The following RNF213 variants were observed in gnomAD, a reference collection of about 807,000 sequenced individuals.
RNF213 encodes ring finger protein 213.
In RNF213, 341 loss-of-function variants were observed where a neutral mutation model predicts 514.4. The observed-to-expected ratio is 0.66, with a 90% CI of 0.61 to 0.73. RNF213 has a LOEUF of 0.73. Among genes scored for constraint, RNF213 ranks in the 30% least tolerant of loss-of-function variants. RNF213 has a pLI of 0.00. For synonymous variants in RNF213, 2,655 were observed against 2,658.2 expected (o/e 1.00, Z 0.04); for missense variants, 5,767 against 6,615.6 (o/e 0.87, Z 4.45).
rs767367885 is a variant in RNF213 at position 80,344,905 on chromosome 17, C to T, written c.6570C>T (p.Val2190=). 2.0e-5 allele frequency: 32 copies of T among 1,614,000 alleles called. No individual in the cohort carries two copies. In the Admixed American group the frequency reaches 4.2e-4, roughly 21 times the overall value. Residue 2190 remains valine (V), a synonymous_variant, in exon 29 of 68, where the codon GTC becomes GTT. Coordinates refer to ENST00000582970, the MANE Select transcript of RNF213 (RefSeq NM_001256071.3). ...CGTTTCAGTATCAAGAAGGCTCTGTCGAAGGCACCCCGGAGGAATGCCTCC... is the reference window on the plus strand; with the variant it reads ...CGTTTCAGTATCAAGAAGGCTCTGTTGAAGGCACCCCGGAGGAATGCCTCC... ...LDTFQYQEGS[V]EGTPEECLQH...
At position 80,347,768 on chromosome 17, in the gene RNF213, A is replaced by G; in HGVS notation, c.9433A>G (p.Asn3145Asp). The G allele has an allele frequency of 6.2e-7, 1 of 1,614,174 alleles. No homozygotes were observed. Among genetic ancestry groups the G allele is most frequent in the Non-Finnish European group, 8.5e-7 (1 of 1,180,038 alleles). ...THRVKCRVHP[N>D]FRLIVIEEKD... The stretch of plus-strand genomic sequence containing the variant: ...CCGCGTCAAATGTCGGGTTCACCCC[A>G]ACTTCCGCCTGATTGTCATTGAAGA... The change falls in exon 29 of 68, where the codon AAC (asparagine) becomes GAC (aspartate). Residue 3145 changes from asparagine (N) to aspartate (D), a missense_variant. By Grantham distance (23) the Asn-to-Asp change is conservative. This residue lies in a region of RNF213 where 919 missense variants were observed against 1,121.0 expected (regional missense o/e 0.82). Transcript: ENST00000582970. The surrounding 1 kb of genome is among the most constrained non-coding windows in gnomAD (Gnocchi z 7.2).
Position 80,332,329 on chromosome 17 carries a change from C to T in RNF213, c.3841C>T (p.Pro1281Ser). Reference sequence around the variant, plus strand: ...AGAGGTGTATGACTATTTGTATCAGCCTTCTTACAGAAAGTTCATTAAGTT... The same window carrying T: ...AGAGGTGTATGACTATTTGTATCAGTCTTCTTACAGAAAGTTCATTAAGTT... ...LEEVYDYLYQ[P>S]SYRKFIKLHQ... is the part of the protein sequence containing the mutation. Residue 1281 changes from proline (P) to serine (S), a missense_variant, in exon 21 of 68, where the codon CCT (proline) becomes TCT (serine). Transcript: ENST00000582970. 1 of 1,537,182 alleles carries T rather than the reference C, an allele frequency of 6.5e-7. No homozygotes were observed. The highest frequency in any genetic ancestry group is 8.7e-7 in the Non-Finnish European group (1 of 1,146,912).
At chr17:80,285,916 TC>T (rs929710033) in intron 3 of RNF213, among the ~76,000 whole-genome samples, 3 of 152,120 alleles carry the variant, frequency 2.0e-5, no homozygotes, top group Admixed American at 1.3e-4. Context: ...CCTCCAGTGA[TC>T]CGCCTGCCTC....
chr17:80,373,189 C>A (rs766905174), intron 49 of RNF213, 24 bp downstream of exon 49: 2 of 1,597,366 alleles, frequency 1.3e-6, no homozygotes, highest in Admixed American at 1.7e-5. Context: ...CCGGGCAGCA[C>A]ACAAACATGC....
Position 80,377,787 on chromosome 17 carries a change from C to A in RNF213, c.13536C>A (p.Ser4512=). 1 of 1,614,140 alleles carries A rather than the reference C, an allele frequency of 6.2e-7. No individual in the cohort carries two copies. Among genetic ancestry groups the A allele is most frequent in the Non-Finnish European group, 8.5e-7 (1 of 1,180,018 alleles). ...CTTGTCCCAACGGCCATCCTTGCTC[C>A]GTGGGAGAGGTGAGTCTTGGTATTT... is the stretch of plus-strand genomic sequence containing the variant. ...WYTCPNGHPC[S]VGECGRPMEQ... is the part of the protein sequence containing the mutation. Residue 4512 remains serine, a synonymous_variant, in exon 54 of 68, where the codon TCC becomes TCA. Transcript: ENST00000582970. The surrounding 1 kb of genome is among the most constrained non-coding windows in gnomAD (Gnocchi z 4.1).
At chr17:80,272,787 G>A (rs1034889038) in intron 2 of RNF213, among the ~76,000 whole-genome samples, 3 of 152,300 alleles carry the variant, frequency 2.0e-5, no homozygotes, top group South Asian at 2.1e-4. Flanking sequence ...GCAGCTGGGC[G>A]GGCAGATGCC....
At chr17:80,365,107 C>T (rs924803229) in intron 42 of RNF213, 6 of 172,036 alleles carry the variant, frequency 3.5e-5, no homozygotes, top group South Asian at 2.6e-4. Flanking sequence ...TCTGTGGCCA[C>T]GCAGTGGTGT....
At chr17:80,352,107 C>G in intron 32 of RNF213, 1 of 285,430 alleles carries the variant, frequency 3.5e-6, no homozygotes, top group Non-Finnish European at 6.8e-6. Flanking sequence ...CTCGCCCCAG[C>G]CTCCCAAAGT....
chr17:80,314,167 T>A (rs1437245335), intron 15 of RNF213, among the ~76,000 whole-genome samples: 7 of 126,064 alleles, frequency 5.6e-5, no homozygotes, highest in Admixed American at 1.5e-4. Context: ...GTGTAGGTGA[T>A]GGTGGAGGTG....
Position 80,339,342 on chromosome 17 carries a change from C to T in RNF213, c.4975C>T (p.Leu1659=), listed in dbSNP as rs1400899713. The T allele has an allele frequency of 6.5e-7, 1 of 1,537,226 alleles. No individual in the cohort carries two copies. Among genetic ancestry groups the T allele is most frequent in the Non-Finnish European group, 8.7e-7 (1 of 1,146,908 alleles). Residue 1659 remains leucine (L), a synonymous_variant, in exon 26 of 68, where the codon CTG becomes TTG. Coordinates refer to ENST00000582970, the MANE Select transcript of RNF213 (RefSeq NM_001256071.3). ...VSLQMDFGLD[L]VTELKEGGDV... ...CCTCCAAATGGACTTTGGCTTGGAC[C>T]TGGTGACGGAGCTTAAAGAAGGTGG...
chr17:80,290,601 T>C lies in RNF213; in HGVS notation c.1144T>C (p.Phe382Leu), dbSNP rs1392228730. Residue 382 changes from phenylalanine (F) to leucine (L), a missense_variant, in exon 7 of 68, where the codon TTC becomes CTC. Phe to Leu is a conservative substitution (Grantham distance 22, BLOSUM62 0). Around this residue, in one of 13 missense-constraint regions of RNF213, gnomAD observed 509 missense variants for 496.7 expected, o/e 1.02. Coordinates refer to ENST00000582970, the MANE Select transcript of RNF213 (RefSeq NM_001256071.3). ...TLSPGGGVTV[F>L]FHAIISLHFP... is the part of the protein sequence containing the mutation. ...GAGCCCGGGTGGAGGAGTCACCGTGTTCTTCCACGCCATCATCTCTCTTCA... is the reference window on the plus strand; with the variant it reads ...GAGCCCGGGTGGAGGAGTCACCGTGCTCTTCCACGCCATCATCTCTCTTCA... 4 of 1,614,130 alleles carry C rather than the reference T, an allele frequency of 2.5e-6. No homozygotes were observed. Among genetic ancestry groups the C allele is most frequent in the Non-Finnish European group, 3.4e-6 (4 of 1,180,042 alleles).
rs1415664971 is a variant in RNF213, at chr17:80,317,514, G to A, written c.2901+237G>A. On this transcript the variant is annotated intron_variant, in intron 16 of 67. Coordinates refer to ENST00000582970, the MANE Select transcript of RNF213 (RefSeq NM_001256071.3). This position sits in a 1 kb window ranked among gnomAD's most constrained non-coding sequence, Gnocchi z 4.1. ...GGGCCCAGGATCTCACCATCATGGGGGTGCGGGATTTTTCCTGACCCCTTC... is the reference window on the plus strand; with the variant it reads ...GGGCCCAGGATCTCACCATCATGGGAGTGCGGGATTTTTCCTGACCCCTTC... Among the ~76,000 whole-genome samples, 1 of 152,204 alleles carries A rather than the reference G, an allele frequency of 6.6e-6. No homozygotes were observed. Among genetic ancestry groups the A allele is most frequent in the Non-Finnish European group, 1.5e-5 (1 of 68,042 alleles).
At chr17:80,367,919 A>G (rs1011559622) in intron 43 of RNF213, 42 bp from the exon 44 acceptor site, 1 of 1,614,066 alleles carries the variant, frequency 6.2e-7, no homozygotes, top group Non-Finnish European at 8.5e-7. Context: ...TCTTCTGGCC[A>G]GTTTCTCTGC....
rs1393711562 is a variant in RNF213 at position 80,340,106 on chromosome 17, C to G, written c.5739C>G (p.His1913Gln). ...CACGCCAAGCGGAGGAGCTTTTCCACAATCTGTGCACGCAGCAGCACCGAG... is the reference window on the plus strand; with the variant it reads ...CACGCCAAGCGGAGGAGCTTTTCCAGAATCTGTGCACGCAGCAGCACCGAG... Reference protein sequence around the residue: ...EVARQAEELFHNLCTQQHRED... With the variant: ...EVARQAEELFQNLCTQQHRED... Residue 1913 changes from histidine to glutamine, a missense_variant, in exon 26 of 68, where the codon CAC becomes CAG. By Grantham distance (24) the His-to-Gln change is conservative. This residue lies in a region of RNF213 where 1,377 missense variants were observed against 1,635.2 expected (regional missense o/e 0.84). Transcript: ENST00000582970. 1 of 1,611,956 alleles carries G rather than the reference C, an allele frequency of 6.2e-7. No individual in the cohort carries two copies. The highest frequency in any genetic ancestry group is 2.2e-5 in the East Asian group (1 of 44,820).
chr17:80,319,917 C>T, intron 17 of RNF213: 1 of 1,058,094 alleles, frequency 9.5e-7, no homozygotes, highest in Non-Finnish European at 1.1e-6. Flanking sequence ...AGGGGAAGTC[C>T]AGAAACATTG....
intron 67 of RNF213, among the ~76,000 whole-genome samples, 192 bp from the exon 68 acceptor site, chr17:80,393,153 G>A (rs761967798): frequency 4.0e-5 from 6 of 151,680 alleles, no homozygotes; most frequent in Non-Finnish European, 5.9e-5. Context: ...GCTAATTTTT[G>A]TATTTTTGCT....
chr17:80,291,886 G>C (rs766008100), intron 8 of RNF213, 59 bp downstream of exon 8: 1 of 1,574,826 alleles, frequency 6.3e-7, no homozygotes, highest in Non-Finnish European at 8.7e-7. Context: ...CCAATCCCGC[G>C]GTACTGGACG....
chr17:80,366,681 A>AT (rs1009176196), intron 42 of RNF213, among the ~76,000 whole-genome samples: 7 of 151,828 alleles, frequency 4.6e-5, no homozygotes, highest in Admixed American at 1.3e-4. Flanking sequence ...AAAAAAAAAA[A>AT]TCTGTAAATG....
At chr17:80,298,599 C>T in intron 11 of RNF213, 81 bp downstream of exon 11, 4 of 1,413,848 alleles carry the variant, frequency 2.8e-6, no homozygotes, top group Non-Finnish European at 4.0e-6. Flanking sequence ...CCGGTGGGCT[C>T]TGCAGTGACT....
Sources: allele counts gnomAD v4.1 joint callset (sites outside exome capture counted in the v4.1 genomes callset), GRCh38; gene constraint gnomAD v4.1.1; regional missense constraint gnomAD v4.1.1; non-coding constraint Gnocchi (gnomAD v3.1); transcripts MANE v1.5; gene names NCBI Gene and HGNC (gene_info 2026-07-23, HGNC 2026-07-21).